Variants in SLIT1 observed in about 807,000 individuals in gnomAD.
SLIT1 encodes the protein slit guidance ligand 1, also known as slit homolog 1 protein.
SLIT1 carries 66 observed loss-of-function variants against 186.1 expected under a neutral mutation model. The ratio of observed to expected loss-of-function variants is 0.35; its 90% CI spans 0.29 to 0.44. SLIT1 has a LOEUF of 0.44. Ranked by LOEUF, SLIT1 falls within the 20% of genes least tolerant of loss-of-function variation. SLIT1 has a pLI of 1.00. For synonymous variants in SLIT1, 761 were observed against 833.8 expected (o/e 0.91, Z 1.50); for missense variants, 1,638 against 2,037.4 (o/e 0.80, Z 3.77).
chr10:97,134,894 T>C (rs573011198), intron 4 of SLIT1, among the ~76,000 whole-genome samples: 31 of 152,274 alleles, frequency 2.0e-4, no homozygotes, highest in African/African-American at 6.3e-4. Context: ...ACCCACTCAC[T>C]GTGCAACCTG....
At chr10:97,141,164 C>T (rs959843178) in intron 4 of SLIT1, among the ~76,000 whole-genome samples, 1 of 152,162 alleles carries the variant, frequency 6.6e-6, no homozygotes, top group Non-Finnish European at 1.5e-5. Context: ...GCGGATTCAG[C>T]CCCTCCCTGA....
chr10:97,094,768 G>C (rs573391299), intron 4 of SLIT1, among the ~76,000 whole-genome samples: 3 of 152,168 alleles, frequency 2.0e-5, no homozygotes, highest in Admixed American at 2.0e-4. Context: ...ATGAATGAGG[G>C]CATGAATATC....
chr10:97,159,683 T>G (rs1295777492), intron 3 of SLIT1, among the ~76,000 whole-genome samples: 1 of 152,162 alleles, frequency 6.6e-6, no homozygotes, highest in East Asian at 1.9e-4. Flanking sequence ...ATGGCCACCA[T>G]CATAATCAGC....
intron 4 of SLIT1, among the ~76,000 whole-genome samples, chr10:97,126,199 C>G (rs139198664): frequency 6.6e-6 from 1 of 152,214 alleles, no homozygotes; most frequent in East Asian, 1.9e-4. Context: ...TTCGCTTACA[C>G]AGAAAGCACC....
intron 28 of SLIT1, among the ~76,000 whole-genome samples, chr10:97,014,662 T>C (rs1848439475): frequency 6.6e-6 from 1 of 151,918 alleles, no homozygotes; most frequent in Non-Finnish European, 1.5e-5. Flanking sequence ...AGGTCAGGAG[T>C]TGGAGACCAG....
At chr10:97,003,541 C>G (rs7914743) in intron 34 of SLIT1, among the ~76,000 whole-genome samples, 2,262 of 152,348 alleles carry the variant, frequency 0.015, 49 homozygotes, top group African/African-American at 0.048. Context: ...CCAGCCTCAG[C>G]ACGCCTCCCA....
intron 4 of SLIT1, among the ~76,000 whole-genome samples, chr10:97,120,400 A>C (rs571711004): frequency 1.1e-4 from 16 of 152,272 alleles, no homozygotes; most frequent in African/African-American, 3.9e-4. Flanking sequence ...ACTTGAATAC[A>C]CAGGACTGTT....
At position 97,066,018 on chromosome 10, in the gene SLIT1, T is replaced by A; in HGVS notation, c.482A>T (p.Asn161Ile). The A allele has an allele frequency of 1.9e-6, 3 of 1,601,734 alleles. No individual in the cohort carries two copies. The highest frequency in any genetic ancestry group is 1.3e-5 in the African/African-American group (1 of 74,956). The change falls in exon 5 of 37, where the codon AAT becomes ATT. Residue 161 changes from asparagine (N) to isoleucine (I), a missense_variant. Physicochemically the swap from Asn to Ile is moderately radical, Grantham distance 149. This residue lies in a region of SLIT1 where 1,245 missense variants were observed against 1,535.3 expected (regional missense o/e 0.81). Transcript: ENST00000266058. ...KAFRGATDLK[N>I]LQLDKNQISC... ...TCCCTCCCAGGCCTGTACTCACAAA[T>A]TTTTAAGGTCCGTAGCTCCCCGAAA...
rs138363315 is a variant in SLIT1 at position 97,050,896 on chromosome 10, T to C, written c.1302-1778A>G. Reference sequence around the variant, plus strand: ...ACCACCCACAGAGACAGGTGGCTTCTGTACAAACTTTAGTATTTTATACAA... The same window carrying C: ...ACCACCCACAGAGACAGGTGGCTTCCGTACAAACTTTAGTATTTTATACAA... On this transcript the variant is annotated intron_variant, in intron 13 of 36. Transcript: ENST00000266058. Among the ~76,000 whole-genome samples the C allele has an allele frequency of 2.0e-5, 3 of 152,286 alleles. No individual in the cohort carries two copies. The East Asian group carries it at 5.8e-4, about 29-fold the overall frequency.
In SLIT1 at chr10:97,043,056, G is replaced by T; in HGVS notation, c.2009C>A (p.Ala670Asp). Residue 670 changes from alanine to aspartate, a missense_variant, in exon 20 of 37, where the codon GCC (alanine) becomes GAC (aspartate). Around this residue, in one of 3 missense-constraint regions of SLIT1, gnomAD observed 1,245 missense variants for 1,535.3 expected, o/e 0.81. Transcript: ENST00000266058. This position sits in a 1 kb window ranked among gnomAD's most constrained non-coding sequence, Gnocchi z 7.0. ...CTGGCAGTTGCAGTTGAAAGGGTTG[G>T]CCAGGAGATTCCTGGAAGAGGCAGG... ...LQSLSTLNLL[A>D]NPFNCNCQLA... 1 of 1,613,910 alleles carries T rather than the reference G, an allele frequency of 6.2e-7. No homozygotes were observed. The highest frequency in any genetic ancestry group is 1.1e-5 in the South Asian group (1 of 91,048).
At chr10:97,177,254 A>G (rs1323199629) in intron 1 of SLIT1, among the ~76,000 whole-genome samples, 2 of 152,100 alleles carry the variant, frequency 1.3e-5, no homozygotes, top group Non-Finnish European at 1.5e-5. Flanking sequence ...TTTTTCACAT[A>G]GATTTTTAGT....
chr10:97,072,751 G>A (rs911365185), intron 4 of SLIT1, among the ~76,000 whole-genome samples: 2 of 152,204 alleles, frequency 1.3e-5, no homozygotes, highest in Admixed American at 6.5e-5. Flanking sequence ...CAAAGCGGGT[G>A]GTAGAAGGAG....
rs543560369 is a variant in SLIT1 at position 97,164,940 on chromosome 10, C to T, written c.198-50G>A. 2.1e-6 allele frequency: 3 copies of T among 1,453,726 alleles called. No individual in the cohort carries two copies. The African/African-American group carries it at 4.2e-5, about 20-fold the overall frequency. 90.1% of individuals were successfully genotyped at this position (1,453,726 alleles called of 1,614,324 possible). On this transcript the variant is annotated intron_variant, in intron 1 of 36. Transcript: ENST00000266058. ...GCAGTGGGGTGAGCAGGGTAAGCCC[C>T]CAGGCCAGGGGCCCTGCTCCAGGTG...
chr10:97,059,337 AG>A (rs528722136), intron 11 of SLIT1, 122 bp downstream of exon 11: 7 of 766,864 alleles, frequency 9.1e-6, no homozygotes, highest in South Asian at 9.1e-5. Flanking sequence ...TGGGGTGGGC[AG>A]GGGCTGTGTG....
chr10:97,101,582 TG>T (rs1849354606), intron 4 of SLIT1: 1 of 152,304 alleles, frequency 6.6e-6, no homozygotes, highest in African/African-American at 2.4e-5. Flanking sequence ...ACCTTGCTGC[TG>T]GGAGCAATGT....
Position 97,068,602 on chromosome 10 carries a change from C to T in SLIT1, c.414-2516G>A, listed in dbSNP as rs185827286. Among the ~76,000 whole-genome samples, 51 of 152,312 alleles carry T rather than the reference C, an allele frequency of 3.3e-4. No homozygotes were observed. Among genetic ancestry groups the T allele is most frequent in the Middle Eastern group, 3.4e-3 (1 of 294 alleles). On this transcript the variant is annotated intron_variant, in intron 4 of 36. Coordinates refer to ENST00000266058, the MANE Select transcript of SLIT1 (RefSeq NM_003061.3). The surrounding 1 kb of genome is among the most constrained non-coding windows in gnomAD (Gnocchi z 4.2). ...ATGGTTCAAGCCTGCAGCACAGACACAGCTGTCCCTCCTCCAGAGCCGTCC... is the reference window on the plus strand; with the variant it reads ...ATGGTTCAAGCCTGCAGCACAGACATAGCTGTCCCTCCTCCAGAGCCGTCC...
intron 1 of SLIT1, among the ~76,000 whole-genome samples, chr10:97,177,939 G>A (rs567411836): frequency 7.2e-5 from 11 of 152,142 alleles, no homozygotes; most frequent in Non-Finnish European, 1.3e-4. Context: ...TTGTGCCACC[G>A]CACTCCAGCC....
chr10:97,083,387 G>A (rs543814237), intron 4 of SLIT1, among the ~76,000 whole-genome samples: 14 of 152,306 alleles, frequency 9.2e-5, no homozygotes, highest in South Asian at 4.1e-4. Flanking sequence ...TCAAACTGAC[G>A]GGCAAGTGTG....
rs558259732 is a variant in SLIT1 at position 97,110,454 on chromosome 10, G to A, written c.414-44368C>T. On this transcript the variant is annotated intron_variant, in intron 4 of 36. Transcript: ENST00000266058. ...CCAAAAGGAAAGTGGGCAAATCGTG[G>A]TAATGCCACATAATAGTGAAAAATG... 6.6e-5 allele frequency among the ~76,000 whole-genome samples: 10 copies of A among 152,264 alleles called. No individual in the cohort carries two copies. The East Asian group carries it at 1.9e-3, about 29-fold the overall frequency.
Sources: allele counts gnomAD v4.1 joint callset (sites outside exome capture counted in the v4.1 genomes callset), GRCh38; gene constraint gnomAD v4.1.1; regional missense constraint gnomAD v4.1.1; non-coding constraint Gnocchi (gnomAD v3.1); transcripts MANE v1.5; gene names NCBI Gene and HGNC (gene_info 2026-07-23, HGNC 2026-07-21).